Variants in TRIM2 observed in about 807,000 individuals in gnomAD.
The protein encoded by TRIM2 is tripartite motif containing 2.
TRIM2 carries 20 observed loss-of-function variants against 75.2 expected under a neutral mutation model. The ratio of observed to expected loss-of-function variants is 0.27; its 90% CI spans 0.19 to 0.39. The LOEUF is 0.39. Among genes scored for constraint, TRIM2 ranks in the 10% least tolerant of loss-of-function variants. The pLI is 1.00. For missense variants in TRIM2, 660 were observed against 990.8 expected, an observed-to-expected ratio of 0.67 and a Z score of 4.48; for synonymous variants, 373 against 388.3, an observed-to-expected ratio of 0.96 and a Z score of 0.46.
chr4:153,316,099 C>T (rs1767520939), intron 8 of TRIM2, 100 bp downstream of exon 8: 2 of 1,139,302 alleles, frequency 1.8e-6, no homozygotes, highest in Non-Finnish European at 2.4e-6. Flanking sequence ...GTGCAACATT[C>T]AACAATTCTT....
chr4:153,286,442 A>G (rs1760634777), intron 3 of TRIM2, among the ~76,000 whole-genome samples: 1 of 152,062 alleles, frequency 6.6e-6, no homozygotes, highest in South Asian at 2.1e-4. Context: ...TCACCAGTGA[A>G]GCCATCTGGT....
chr4:153,257,692 G>A (rs1048892197), intron 1 of TRIM2: 7 of 934,766 alleles, frequency 7.5e-6, no homozygotes, highest in Middle Eastern at 2.5e-4. Flanking sequence ...TTGGATTGCC[G>A]CGTAGCTGCA....
chr4:153,187,882 C>T (rs1047151736), intron 1 of TRIM2, among the ~76,000 whole-genome samples: 2 of 152,172 alleles, frequency 1.3e-5, no homozygotes. Context: ...TTCAGACGTC[C>T]GCCAAGTCCT....
chr4:153,170,014 G>A (rs1236686376), intron 1 of TRIM2, among the ~76,000 whole-genome samples: 3 of 152,154 alleles, frequency 2.0e-5, no homozygotes, highest in East Asian at 3.9e-4. Context: ...TATTCATGGC[G>A]CCTGCAGCTG....
intron 1 of TRIM2, chr4:153,156,780 C>T (rs1729270841): frequency 1.3e-5 from 2 of 152,348 alleles, no homozygotes; most frequent in African/African-American, 4.8e-5. Flanking sequence ...GCAATCGACA[C>T]CTCTCTGCAT....
At chr4:153,299,388 G>GTA (rs924689732) in intron 6 of TRIM2, among the ~76,000 whole-genome samples, 12 of 152,118 alleles carry the variant, frequency 7.9e-5, no homozygotes, top group South Asian at 6.2e-4. Flanking sequence ...GAAAGACTGT[G>GTA]TATATATATA....
At chr4:153,324,770 T>G (rs10001079) in intron 10 of TRIM2, among the ~76,000 whole-genome samples, 3,905 of 152,240 alleles carry the variant, frequency 0.026, 106 homozygotes, top group East Asian at 0.076. Flanking sequence ...GATGAGGAAA[T>G]ATTTAGTAAT....
chr4:153,324,332 A>C, intron 10 of TRIM2, 184 bp downstream of exon 10: 1 of 442,590 alleles, frequency 2.3e-6, no homozygotes, highest in South Asian at 3.5e-5. Context: ...CAGGAAATTG[A>C]ATAAAATGTG....
intron 9 of TRIM2, 113 bp downstream of exon 9, chr4:153,322,929 G>T: frequency 7.2e-7 from 1 of 1,390,790 alleles, no homozygotes; most frequent in Non-Finnish European, 9.7e-7. Context: ...GCTGGCTTTG[G>T]GAAAGATGCT....
At chr4:153,309,252 A>G (rs1454803283) in intron 6 of TRIM2, among the ~76,000 whole-genome samples, 1 of 152,178 alleles carries the variant, frequency 6.6e-6, no homozygotes, top group East Asian at 1.9e-4. Flanking sequence ...GTATTGGGGA[A>G]AAAAGTGTTA....
chr4:153,177,664 G>T (rs978796011), intron 1 of TRIM2, among the ~76,000 whole-genome samples: 1 of 151,486 alleles, frequency 6.6e-6, no homozygotes, highest in Non-Finnish European at 1.5e-5. Flanking sequence ...AAAAAATCAG[G>T]AGTCCTAGAA....
At chr4:153,243,380 G>A (rs1747176741) in intron 1 of TRIM2, among the ~76,000 whole-genome samples, 1 of 152,230 alleles carries the variant, frequency 6.6e-6, no homozygotes, top group Admixed American at 6.5e-5. Context: ...CATGTGGCAG[G>A]GCAAAGACGA....
chr4:153,296,170 A>C, intron 6 of TRIM2, 134 bp downstream of exon 6: 2 of 1,178,434 alleles, frequency 1.7e-6, no homozygotes, highest in Non-Finnish European at 2.2e-6. Context: ...CTGCTATAAA[A>C]TTTGATATAT....
chr4:153,153,631 G>C lies in TRIM2; in HGVS notation c.-49+361G>C, dbSNP rs546011846. Among the ~76,000 whole-genome samples the C allele has an allele frequency of 4.6e-5, 7 of 152,342 alleles. No homozygotes were observed. In the South Asian group the frequency reaches 1.5e-3, roughly 32 times the overall value. ...GGCCCTTTTTGAAGATGGAGAGAAG[G>C]CGCGTTTTACGGTTGGCTCGAAACG... On this transcript the variant is annotated intron_variant, in intron 1 of 11. Coordinates refer to the TRIM2 transcript ENST00000437508.
chr4:153,296,163 C>T lies in TRIM2; in HGVS notation c.1510+127C>T. On this transcript the variant is annotated intron_variant, in intron 6 of 11. Coordinates refer to ENST00000338700, the MANE Select transcript of TRIM2 (RefSeq NM_015271.5). ...CCTGCAGGTGTTAGGAGATGTACTGCTATAAAATTTGATATATTTTGTTAG... is the reference window on the plus strand; with the variant it reads ...CCTGCAGGTGTTAGGAGATGTACTGTTATAAAATTTGATATATTTTGTTAG... 3 of 1,223,740 alleles carry T rather than the reference C, an allele frequency of 2.5e-6. No homozygotes were observed. The South Asian group carries it at 7.2e-5, about 29-fold the overall frequency. 75.8% of individuals were successfully genotyped at this position (1,223,740 alleles called of 1,614,324 possible). A position where few individuals can be genotyped will look rare whatever the true frequency, so the allele number is the denominator to read the frequency against.
chr4:153,257,111 G>A (rs1752254100), intron 1 of TRIM2, among the ~76,000 whole-genome samples: 1 of 152,140 alleles, frequency 6.6e-6, no homozygotes, highest in South Asian at 2.1e-4. Context: ...TATTCTCACT[G>A]CGTTCACCGT....
At chr4:153,328,021 A>G (rs1024852544) in intron 10 of TRIM2, among the ~76,000 whole-genome samples, 1 of 152,202 alleles carries the variant, frequency 6.6e-6, no homozygotes, top group East Asian at 1.9e-4. Context: ...CATTCTAAGT[A>G]TGGAGTCCAG....
At chr4:153,303,315 A>T (rs1764316571) in intron 6 of TRIM2, among the ~76,000 whole-genome samples, 1 of 91,334 alleles carries the variant, frequency 1.1e-5, no homozygotes, top group African/African-American at 2.9e-5. Flanking sequence ...AAAAAAAAAT[A>T]TATAAAAATC....
chr4:153,324,002 T>G lies in TRIM2; in HGVS notation c.1952-76T>G. On this transcript the variant is annotated intron_variant, in intron 9 of 11. Coordinates refer to ENST00000338700, the MANE Select transcript of TRIM2 (RefSeq NM_015271.5). Reference sequence around the variant, plus strand: ...AAATAACTAAGTTAATATATTAAGTTTGTTTGTTACAGTAACTGCTATATG... The same window carrying G: ...AAATAACTAAGTTAATATATTAAGTGTGTTTGTTACAGTAACTGCTATATG... 3.5e-6 allele frequency: 4 copies of G among 1,140,912 alleles called. No individual in the cohort carries two copies. The South Asian group carries it at 5.3e-5, about 15-fold the overall frequency. The allele number at this position is 1,140,912 out of a possible 1,614,324, so 70.7% of individuals were successfully genotyped here. A position where few individuals can be genotyped will look rare whatever the true frequency, so the allele number is the denominator to read the frequency against.
Sources: allele counts gnomAD v4.1 joint callset (sites outside exome capture counted in the v4.1 genomes callset), GRCh38; gene constraint gnomAD v4.1.1; transcripts MANE v1.5; gene names NCBI Gene and HGNC (gene_info 2026-07-23, HGNC 2026-07-21).